The following LOXL2 variants were observed in gnomAD, a reference collection of about 807,000 sequenced individuals.
LOXL2 encodes the protein lysyl oxidase like 2.
LOXL2 carries 70 observed loss-of-function variants against 93.0 expected under a neutral mutation model. The ratio of observed to expected loss-of-function variants is 0.75; its 90% CI spans 0.62 to 0.92. The LOEUF is 0.92. Among genes scored for constraint, LOXL2 ranks in the 40% least tolerant of loss-of-function variants. LOXL2 has a pLI of 0.00. For synonymous variants in LOXL2, 438 were observed against 413.2 expected, an observed-to-expected ratio of 1.06 and a Z score of -0.73; for missense variants, 973 against 1,054.9, an observed-to-expected ratio of 0.92 and a Z score of 1.08.
At chr8:23,346,948 A>ATG (rs1804000156) in intron 3 of LOXL2, among the ~76,000 whole-genome samples, 1 of 151,612 alleles carries the variant, frequency 6.6e-6, no homozygotes, top group Non-Finnish European at 1.5e-5. Context: ...CTCACCTCGC[A>ATG]TGCAGCCTCC....
At chr8:23,359,907 C>G (rs3736018) in intron 3 of LOXL2, among the ~76,000 whole-genome samples, 183 bp downstream of exon 3, 61,021 of 152,038 alleles carry the variant, frequency 0.4, 12,749 homozygotes, top group Admixed American at 0.48. Flanking sequence ...AATGCCCTTT[C>G]CCCATGGATG....
rs904888279 is a variant in LOXL2, at chr8:23,309,694, G to T, written c.1854C>A (p.His618Gln). 6.5e-7 allele frequency: 1 copy of T among 1,536,192 alleles called. No individual in the cohort carries two copies. Among genetic ancestry groups the T allele is most frequent in the South Asian group, 1.2e-5 (1 of 80,460 alleles). The change falls in exon 10 of 14, where the codon CAC becomes CAA. Residue 618 changes from histidine (H) to glutamine (Q), a missense_variant. Transcript: ENST00000389131. ...TGTGACAGTCGTGCCAGATCCACGC[G>T]TGGCGGCCGTTCTTGGGCCGGAAGT... ...QSDFRPKNGR[H>Q]AWIWHDCHRH...
At chr8:23,360,051 ATGTT>A (rs771302274) in intron 3 of LOXL2, 35 bp downstream of exon 3, 6 of 1,571,754 alleles carry the variant, frequency 3.8e-6, no homozygotes. Flanking sequence ...AAGAGGAAAA[ATGTT>A]TGCATGAAGG....
chr8:23,398,873 G>A (rs143893490), intron 1 of LOXL2, among the ~76,000 whole-genome samples: 6 of 152,098 alleles, frequency 3.9e-5, no homozygotes, highest in South Asian at 2.1e-4. Context: ...CTGAAAAGGC[G>A]CCTAGAGACG....
chr8:23,297,817 C>A lies in LOXL2; in HGVS notation c.*226G>T. ...CTCCAGCAGCTCTGTGGACAAACCC[C>A]ACCCCCGCAAGGCCTTCTCAGGCCC... On this transcript the variant is annotated 3_prime_UTR_variant, in exon 14 of 14. Transcript: ENST00000389131. 2.0e-6 allele frequency: 1 copy of A among 512,156 alleles called. No individual in the cohort carries two copies. Among genetic ancestry groups the A allele is most frequent in the Non-Finnish European group, 3.5e-6 (1 of 286,268 alleles). The allele number at this position is 512,156 out of a possible 1,614,324, so 31.7% of individuals were successfully genotyped here. A position where few individuals can be genotyped will look rare whatever the true frequency, so the allele number is the denominator to read the frequency against.
intron 3 of LOXL2, among the ~76,000 whole-genome samples, chr8:23,352,839 C>T (rs1471351152): frequency 6.6e-6 from 1 of 151,978 alleles, no homozygotes; most frequent in African/African-American, 2.4e-5. Context: ...TCAAGACCTC[C>T]TGGGCTGCCC....
Position 23,376,617 on chromosome 8 carries a change from G to T in LOXL2, c.-83-8183C>A, listed in dbSNP as rs909355652. On this transcript the variant is annotated intron_variant, in intron 1 of 13. Coordinates refer to ENST00000389131, the MANE Select transcript of LOXL2 (RefSeq NM_002318.3). Reference sequence around the variant, plus strand: ...TATTAATTATTGCCTCAATTTCAGAGCCTGTTATTGGTCTATTCAGGGATT... The same window carrying T: ...TATTAATTATTGCCTCAATTTCAGATCCTGTTATTGGTCTATTCAGGGATT... 1.1e-4 allele frequency among the ~76,000 whole-genome samples: 16 copies of T among 152,168 alleles called. No individual in the cohort carries two copies. In the East Asian group the frequency reaches 1.9e-3, roughly 18 times the overall value.
Position 23,345,561 on chromosome 8 carries a change from GGAGA to G in LOXL2, c.532-4362_532-4359del, listed in dbSNP as rs1422617642. ...TGCTCACACTAGCTAACCAGCTCATGGAGACTGAGTTAGACCTCTTAGAAAACAC... is the reference window on the plus strand; with the variant it reads ...TGCTCACACTAGCTAACCAGCTCATGCTGAGTTAGACCTCTTAGAAAACAC... On this transcript the variant is annotated intron_variant, in intron 3 of 13. Transcript: ENST00000389131. Among the ~76,000 whole-genome samples, 116 of 152,286 alleles carry G rather than the reference GGAGA, an allele frequency of 7.6e-4. 2 individuals are homozygous for G. The highest frequency in any genetic ancestry group is 1.5e-3 in the Non-Finnish European group (100 of 68,028).
intron 1 of LOXL2, among the ~76,000 whole-genome samples, chr8:23,390,977 C>T (rs1466368699): frequency 2.6e-5 from 4 of 152,158 alleles, no homozygotes; most frequent in African/African-American, 9.7e-5. Context: ...GCACGTCTTA[C>T]ATGGCAGCAG....
intron 1 of LOXL2, among the ~76,000 whole-genome samples, chr8:23,399,031 A>G (rs995425508): frequency 1.3e-5 from 2 of 152,232 alleles, no homozygotes; most frequent in Non-Finnish European, 2.9e-5. Context: ...CAACTTACAC[A>G]GGACTGAAGA....
At chr8:23,341,714 G>A (rs1209264572) in intron 3 of LOXL2, among the ~76,000 whole-genome samples, 1 of 152,188 alleles carries the variant, frequency 6.6e-6, no homozygotes, top group Non-Finnish European at 1.5e-5. Flanking sequence ...AGCTGGTGGT[G>A]CCACCCTGCA....
chr8:23,396,319 AAAACAAACAAAC>A (rs71548892), intron 1 of LOXL2, among the ~76,000 whole-genome samples: 32 of 150,424 alleles, frequency 2.1e-4, no homozygotes, highest in Non-Finnish European at 3.1e-4. Context: ...CTCAGTCTCA[AAAACAAACAAAC>A]AAACAAACAA....
rs569877229 is a variant in LOXL2 at position 23,394,699 on chromosome 8, TC to T, written c.-84+9254del. 1.2e-3 allele frequency among the ~76,000 whole-genome samples: 179 copies of T among 152,202 alleles called. 1 individual carries two copies. Among genetic ancestry groups the T allele is most frequent in the South Asian group, 7.9e-3 (38 of 4,824 alleles). Reference sequence around the variant, plus strand: ...CTGTGAAAAACAATTTGGTGATTCCTCAAAAAGCTAAACATAGAATTACTAT... The same window carrying T: ...CTGTGAAAAACAATTTGGTGATTCCTAAAAAGCTAAACATAGAATTACTAT... On this transcript the variant is annotated intron_variant, in intron 1 of 13. Coordinates refer to ENST00000389131, the MANE Select transcript of LOXL2 (RefSeq NM_002318.3).
Position 23,317,107 on chromosome 8 carries a change from C to T in LOXL2, c.1478G>A (p.Trp493Ter). Residue 493 changes from tryptophan to a stop codon, truncating the protein, a stop_gained, in exon 9 of 14, where the codon TGG (tryptophan) becomes TAG (stop). Coordinates refer to ENST00000389131, the MANE Select transcript of LOXL2 (RefSeq NM_002318.3). LOFTEE classifies it high-confidence loss of function. The stretch of plus-strand genomic sequence containing the variant: ...GCTGTTGACATCTCCGTGCCAATAC[C>T]AGGTCTCCTGGAAGAACCAACAAAA... ...GFASNAFQET[W>*]YWHGDVNSNK... is the part of the protein sequence containing the mutation. 6.2e-7 allele frequency: 1 copy of T among 1,614,140 alleles called. No homozygotes were observed. Among genetic ancestry groups the T allele is most frequent in the Non-Finnish European group, 8.5e-7 (1 of 1,180,002 alleles).
Position 23,347,657 on chromosome 8 carries a change from T to TATAA in LOXL2, c.532-6458_532-6455dup, listed in dbSNP as rs1355785064. On this transcript the variant is annotated intron_variant, in intron 3 of 13. Coordinates refer to ENST00000389131, the MANE Select transcript of LOXL2 (RefSeq NM_002318.3). ...AGACTGAGACTCCGTTTCAAAAAAA[T>TATAA]ATAAATAAATAAATAATAAAAACAA... Among the ~76,000 whole-genome samples, 54 of 151,532 alleles carry TATAA rather than the reference T, an allele frequency of 3.6e-4. 1 individual carries two copies. Among genetic ancestry groups the TATAA allele is most frequent in the African/African-American group, 1.3e-3 (52 of 41,310 alleles).
intron 3 of LOXL2, among the ~76,000 whole-genome samples, chr8:23,353,853 A>G (rs913986194): frequency 2.0e-5 from 3 of 152,208 alleles, no homozygotes; most frequent in Middle Eastern, 3.2e-3. Context: ...GCTGGAAGGG[A>G]TTGAATTCAA....
chr8:23,360,035 G>C, intron 3 of LOXL2, 55 bp downstream of exon 3: 15 of 1,515,492 alleles, frequency 9.9e-6, no homozygotes, highest in Non-Finnish European at 1.2e-5. Context: ...AAAGCGAGTT[G>C]CATGGAAGAG....
In LOXL2 at chr8:23,381,988, G is replaced by A. The variant is rs1485953882; in HGVS notation, c.-83-13554C>T. Reference sequence around the variant, plus strand: ...TGGCTCGGAGTAGACCCCTCATTCTGGGAAAGACAGCAGAGGGGACCAGGC... The same window carrying A: ...TGGCTCGGAGTAGACCCCTCATTCTAGGAAAGACAGCAGAGGGGACCAGGC... On this transcript the variant is annotated intron_variant, in intron 1 of 13. Transcript: ENST00000389131. 2.6e-5 allele frequency among the ~76,000 whole-genome samples: 4 copies of A among 152,240 alleles called. No individual in the cohort carries two copies. The East Asian group carries it at 7.7e-4, about 29-fold the overall frequency.
chr8:23,302,273 C>T, intron 11 of LOXL2, 110 bp from the exon 12 acceptor site: 1 of 1,359,612 alleles, frequency 7.4e-7, no homozygotes. Context: ...CTCGGCATCC[C>T]ACCCCACTGT....
Sources: gnomAD v4.1 joint callset for allele counts (sites outside exome capture counted in the v4.1 genomes callset) on GRCh38, gnomAD v4.1.1 for gene constraint, MANE v1.5 for transcripts, NCBI Gene and HGNC (gene_info 2026-07-23, HGNC 2026-07-21) for gene names.